CFAP47: variants seen among roughly 807,000 people sequenced by gnomAD.
CFAP47 encodes the protein cilia- and flagella-associated protein 47.
Under a neutral mutation model 148.1 loss-of-function variants are expected in CFAP47, and 29 were observed. That is an observed-to-expected ratio of 0.20 (90% CI 0.15 to 0.27). CFAP47 has a LOEUF of 0.27. CFAP47 is among the 10% of genes least tolerant of loss of function. The pLI is 1.00. For synonymous variants in CFAP47, 664 were observed against 577.3 expected (o/e 1.15, Z -2.15); for missense variants, 1,872 against 1,697.5 (o/e 1.10, Z -1.81).
chrX:36,235,949 G>A lies in CFAP47; in HGVS notation c.7030G>A (p.Asp2344Asn), dbSNP rs1001034351. 4.3e-5 allele frequency: 21 copies of A among 489,270 alleles called. No homozygotes were observed. In the Middle Eastern group the frequency reaches 1.0e-3, roughly 23 times the overall value. The allele number at this position is 489,270 out of a possible 1,213,427, so 40.3% of individuals were successfully genotyped here. ...QNIPIKNQTN[D>N]KWTFQVTIEG... Reference sequence around the variant, plus strand: ...CATGCTTTAGAAAAATCAAACAAACGATAAATGGACCTTTCAAGTTACTAT... The same window carrying A: ...CATGCTTTAGAAAAATCAAACAAACAATAAATGGACCTTTCAAGTTACTAT... The change falls in exon 47 of 64, where the codon GAT becomes AAT. Residue 2344 changes from aspartate (D) to asparagine (N), a missense_variant. Transcript: ENST00000378653.
intron 62 of CFAP47, among the ~76,000 whole-genome samples, chrX:36,371,991 T>TGTATATGTGTGTGTATATATACACAC (rs1169895705): frequency 1.4e-5 from 1 of 70,860 alleles, no homozygotes; most frequent in Non-Finnish European, 2.3e-5. Context: ...TGTATATATG[T>TGTATATGTGTGTGTATATATACACAC]ATGTGTATAT....
chrX:36,300,999 G>T, intron 52 of CFAP47, 73 bp from the exon 53 acceptor site: 1 of 556,510 alleles, frequency 1.8e-6, no homozygotes, highest in Non-Finnish European at 3.1e-6. Context: ...CTAGTTTGGG[G>T]TATACTACTT....
chrX:36,350,147 G>A lies in CFAP47; in HGVS notation c.8698+15G>A. The A allele has an allele frequency of 9.8e-7, 1 of 1,015,669 alleles. No homozygotes were observed. The allele number at this position is 1,015,669 out of a possible 1,213,427, so 83.7% of individuals were successfully genotyped here. A position where few individuals can be genotyped will look rare whatever the true frequency, so the allele number is the denominator to read the frequency against. On this transcript the variant is annotated intron_variant, in intron 59 of 63. Transcript: ENST00000378653. ...ATCTCCCCCAGGTAGGTATACATTA[G>A]GGTCAGAGAATGCCAGAATTCTTAG... is the stretch of plus-strand genomic sequence containing the variant.
At chrX:36,040,711 A>T (rs75866993) in intron 25 of CFAP47, among the ~76,000 whole-genome samples, 1 of 111,912 alleles carries the variant, frequency 8.9e-6, no homozygotes, top group East Asian at 2.8e-4. Flanking sequence ...AAGAAATTAT[A>T]CTGAATTTCA....
intron 44 of CFAP47, among the ~76,000 whole-genome samples, chrX:36,202,701 C>T (rs782504644): frequency 2.7e-5 from 3 of 110,056 alleles, no homozygotes; most frequent in African/African-American, 6.6e-5. Context: ...AATATGAAAC[C>T]GGGTGTTCAC....
In CFAP47 at chrX:36,060,976, C is replaced by T. The variant is rs139411316; in HGVS notation, c.4218-4667C>T. On this transcript the variant is annotated intron_variant, in intron 26 of 63. Transcript: ENST00000378653. ...AATAAATAAATAAGTCCAGACTTTG[C>T]GATATGGTTTGGATTAGTGTCTCTG... is the stretch of plus-strand genomic sequence containing the variant. Among the ~76,000 whole-genome samples, 486 of 111,358 alleles carry T rather than the reference C, an allele frequency of 4.4e-3. 2 individuals are homozygous for T. Among genetic ancestry groups the T allele is most frequent in the African/African-American group, 0.015 (461 of 30,695 alleles).
At chrX:36,123,957 T>A (rs1478210310) in intron 33 of CFAP47, among the ~76,000 whole-genome samples, 1 of 111,521 alleles carries the variant, frequency 9.0e-6, no homozygotes, top group Non-Finnish European at 1.9e-5. Context: ...TACCTGGGTA[T>A]CACTGCTGGT....
intron 43 of CFAP47, among the ~76,000 whole-genome samples, chrX:36,200,783 T>A (rs1939971743): frequency 8.9e-6 from 1 of 111,933 alleles, no homozygotes; most frequent in Non-Finnish European, 1.9e-5. Flanking sequence ...TCAAATAATC[T>A]GGAAATTATT....
chrX:36,011,775 G>A (rs1460384707), intron 21 of CFAP47, among the ~76,000 whole-genome samples: 1 of 111,707 alleles, frequency 9.0e-6, no homozygotes, highest in Non-Finnish European at 1.9e-5. Flanking sequence ...TGGGTAGATT[G>A]CAAAAATTTT....
intron 29 of CFAP47, among the ~76,000 whole-genome samples, chrX:36,075,201 T>TTTTATTTATTTATTTA (rs34532797): frequency 2.8e-5 from 3 of 106,615 alleles, no homozygotes; most frequent in South Asian, 3.8e-4. Context: ...TATGTATTAT[T>TTTTATTTATTTATTTA]TTTATTTATT....
rs937696330 is a variant in CFAP47, at chrX:36,207,321, G to A, written c.6817+2211G>A. Among the ~76,000 whole-genome samples, 11 of 109,929 alleles carry A rather than the reference G, an allele frequency of 1.0e-4. No homozygotes were observed. The South Asian group carries it at 1.2e-3, about 12-fold the overall frequency. On this transcript the variant is annotated intron_variant, in intron 45 of 63. Transcript: ENST00000378653. Reference sequence around the variant, plus strand: ...AACAAAACTTTTTTTTTTTCTTTTGGTGTCATGGAGAAAGAAACAAATGAC... The same window carrying A: ...AACAAAACTTTTTTTTTTTCTTTTGATGTCATGGAGAAAGAAACAAATGAC...
chrX:36,087,993 T>C (rs73470944), intron 30 of CFAP47, among the ~76,000 whole-genome samples: 2,892 of 111,645 alleles, frequency 0.026, 92 homozygotes, highest in African/African-American at 0.089. Context: ...TGTGTCCTCA[T>C]GTGGTTTTTC....
chrX:35,961,673 C>T (rs1257873886), intron 8 of CFAP47, among the ~76,000 whole-genome samples: 1 of 111,133 alleles, frequency 9.0e-6, no homozygotes, highest in Non-Finnish European at 1.9e-5. Context: ...GTGATGTCCT[C>T]TCTTTTATTC....
rs774241565 is a variant in CFAP47 at position 36,138,483 on chromosome X, A to G, written c.5535+19A>G. 1.8e-5 allele frequency: 20 copies of G among 1,125,626 alleles called. No individual in the cohort carries two copies. In the South Asian group the frequency reaches 4.4e-4, roughly 25 times the overall value. The allele number at this position is 1,125,626 out of a possible 1,213,427, so 92.8% of individuals were successfully genotyped here. Reference sequence around the variant, plus strand: ...AATACAGGTGGGTGCCTTTATATTAAACATTCTACAAACATTTTATAAATT... The same window carrying G: ...AATACAGGTGGGTGCCTTTATATTAGACATTCTACAAACATTTTATAAATT... On this transcript the variant is annotated intron_variant, in intron 35 of 63. Transcript: ENST00000378653.
intron 46 of CFAP47, among the ~76,000 whole-genome samples, chrX:36,230,941 G>C (rs1193725547): frequency 1.9e-5 from 2 of 103,914 alleles, no homozygotes; most frequent in African/African-American, 7.6e-5. Context: ...CGTTATTTCT[G>C]AGGGCTCTGT....
At position 36,149,026 on chromosome X, in the gene CFAP47, C is replaced by T. The variant is rs775120162; in HGVS notation, c.5671-82C>T. On this transcript the variant is annotated intron_variant, in intron 36 of 63. Coordinates refer to ENST00000378653, the MANE Select transcript of CFAP47 (RefSeq NM_001304548.2). The stretch of plus-strand genomic sequence containing the variant: ...ATTTATGACTAAAATCTATTGCTAT[C>T]TTTGATAAAAATAAGAAATGATATA... 3 of 249,315 alleles carry T rather than the reference C, an allele frequency of 1.2e-5. No homozygotes were observed. In the East Asian group the frequency reaches 1.7e-4, roughly 14 times the overall value. 20.5% of individuals were successfully genotyped at this position (249,315 alleles called of 1,213,427 possible).
At chrX:35,993,979 T>C (rs1253454872) in intron 18 of CFAP47, among the ~76,000 whole-genome samples, 2 of 111,720 alleles carry the variant, frequency 1.8e-5, no homozygotes, top group Non-Finnish European at 3.8e-5. Context: ...AATATTACCC[T>C]GGGCCAGGTG....
At chrX:36,299,265 CT>C (rs1257812388) in intron 52 of CFAP47, 113 bp downstream of exon 52, 1 of 453,804 alleles carries the variant, frequency 2.2e-6, no homozygotes, top group African/African-American at 2.5e-5. Flanking sequence ...ATAGTTTTAA[CT>C]TTGTTTAATA....
At chrX:36,052,747 A>G (rs1194591599) in intron 26 of CFAP47, among the ~76,000 whole-genome samples, 2 of 112,490 alleles carry the variant, frequency 1.8e-5, no homozygotes, top group African/African-American at 6.5e-5. Context: ...TTAAATGGAA[A>G]TTATACTATT....
Sources: allele counts gnomAD v4.1 joint callset (sites outside exome capture counted in the v4.1 genomes callset), GRCh38; gene constraint gnomAD v4.1.1; transcripts MANE v1.5; gene names NCBI Gene and HGNC (gene_info 2026-07-23, HGNC 2026-07-21).